Variants in EHMT1 observed in about 807,000 individuals in gnomAD.
The protein encoded by EHMT1 is histone-lysine N-methyltransferase EHMT1.
Under a neutral mutation model 147.2 loss-of-function variants are expected in EHMT1, and 15 were observed. That is an observed-to-expected ratio of 0.10 (90% CI 0.07 to 0.16). The LOEUF (loss-of-function observed/expected upper bound fraction) is 0.16, where lower values mean the gene tolerates loss of function less well. EHMT1 is among the 10% of genes least tolerant of loss of function. EHMT1 has a pLI of 1.00. For synonymous variants in EHMT1, 795 were observed against 709.6 expected, an observed-to-expected ratio of 1.12 and a Z score of -1.91; for missense variants, 1,587 against 1,772.4, an observed-to-expected ratio of 0.90 and a Z score of 1.88.
intron 18 of EHMT1, chr9:137,803,368 T>G (rs1953662244): frequency 3.2e-6 from 3 of 926,774 alleles, no homozygotes; most frequent in Non-Finnish European, 3.9e-6. Context: ...CCTCCGCGCT[T>G]CACAGCCATG....
intron 1 of EHMT1, among the ~76,000 whole-genome samples, chr9:137,660,276 C>CA (rs1375109566): frequency 2.0e-5 from 3 of 151,988 alleles, no homozygotes; most frequent in Non-Finnish European, 4.4e-5. Context: ...GCAGAAGTTG[C>CA]AGTGAGCTGA....
intron 25 of EHMT1, chr9:137,819,993 G>A (rs564308974): frequency 6.6e-6 from 1 of 152,232 alleles, no homozygotes; most frequent in Admixed American, 6.5e-5. Flanking sequence ...GAAACTTGCA[G>A]TAACTCCAAG....
intron 1 of EHMT1, chr9:137,676,327 G>A: frequency 7.2e-6 from 1 of 138,936 alleles, no homozygotes; most frequent in Non-Finnish European, 1.6e-5. Flanking sequence ...CCTCGGCCCT[G>A]CAAAGTGCTG....
chr9:137,822,006 A>G (rs1955455433), intron 25 of EHMT1, among the ~76,000 whole-genome samples: 2 of 152,214 alleles, frequency 1.3e-5, no homozygotes. Context: ...TTTAGTTTTT[A>G]CAAATGTACA....
Position 137,834,463 on chromosome 9 carries a change from C to G in EHMT1, c.3655C>G (p.Leu1219Val). ...PVRVFMAHQD[L>V]RFPRIAFFST... ...GCGCGTGTTCATGGCCCACCAGGAC[C>G]TGCGGTTCCCCCGGATCGCCTTCTT... The change falls in exon 26 of 27, where the codon CTG (leucine) becomes GTG (valine). Residue 1219 changes from leucine to valine, a missense_variant. By Grantham distance (32) the Leu-to-Val change is conservative. Around this residue, in one of 7 missense-constraint regions of EHMT1, gnomAD observed 141 missense variants for 150.8 expected, o/e 0.94. Transcript: ENST00000460843. 1 of 1,613,054 alleles carries G rather than the reference C, an allele frequency of 6.2e-7. No individual in the cohort carries two copies.
chr9:137,768,896 A>G (rs965486145), intron 10 of EHMT1, among the ~76,000 whole-genome samples: 1 of 152,160 alleles, frequency 6.6e-6, no homozygotes, highest in African/African-American at 2.4e-5. Context: ...CATGTTGGCC[A>G]GGCTGGTCTC....
chr9:137,719,596 A>G lies in EHMT1; in HGVS notation c.642+2414A>G, dbSNP rs536451249. Reference sequence around the variant, plus strand: ...GCTTTAGAAAATCTTAAAAATAATTACAGTGTCACAGGAAACTGCAAAAAA... The same window carrying G: ...GCTTTAGAAAATCTTAAAAATAATTGCAGTGTCACAGGAAACTGCAAAAAA... On this transcript the variant is annotated intron_variant, in intron 3 of 26. Coordinates refer to ENST00000460843, the MANE Select transcript of EHMT1 (RefSeq NM_024757.5). Among the ~76,000 whole-genome samples, 7 of 152,314 alleles carry G rather than the reference A, an allele frequency of 4.6e-5. No individual in the cohort carries two copies. In the East Asian group the frequency reaches 1.4e-3, roughly 29 times the overall value.
intron 16 of EHMT1, among the ~76,000 whole-genome samples, chr9:137,797,470 G>T (rs1490202528): frequency 3.9e-5 from 6 of 152,146 alleles, no homozygotes; most frequent in Admixed American, 3.9e-4. Context: ...GCTTGCCCAA[G>T]GTCTCTGCCA....
intron 1 of EHMT1, among the ~76,000 whole-genome samples, chr9:137,657,612 A>G (rs913670379): frequency 5.3e-5 from 8 of 151,912 alleles, no homozygotes; most frequent in African/African-American, 1.2e-4. Flanking sequence ...GTGCATAACA[A>G]TCACACCAGG....
chr9:137,816,390 G>T (rs553273979), intron 23 of EHMT1: 2 of 394,838 alleles, frequency 5.1e-6, no homozygotes, highest in Admixed American at 7.3e-5. Flanking sequence ...ACAGGTTAGG[G>T]CTGTCGTAGT....
intron 4 of EHMT1, among the ~76,000 whole-genome samples, chr9:137,737,931 C>T (rs1419914784): frequency 2.0e-5 from 3 of 152,182 alleles, no homozygotes; most frequent in Non-Finnish European, 2.9e-5. Flanking sequence ...CAGTGGCTTG[C>T]GCCTGTAATC....
chr9:137,672,206 C>G (rs1011852295), intron 1 of EHMT1, among the ~76,000 whole-genome samples: 1 of 152,216 alleles, frequency 6.6e-6, no homozygotes, highest in African/African-American at 2.4e-5. Context: ...AAAACCGTAT[C>G]ACTTTTGTTT....
chr9:137,736,572 A>G (rs1445921186), intron 4 of EHMT1, among the ~76,000 whole-genome samples: 2 of 152,246 alleles, frequency 1.3e-5, no homozygotes, highest in African/African-American at 2.4e-5. Flanking sequence ...TAGGCCACAA[A>G]TAAGTCTCAA....
At chr9:137,762,558 C>T (rs1274872459) in intron 9 of EHMT1, 117 bp from the exon 10 acceptor site, 12 of 1,541,494 alleles carry the variant, frequency 7.8e-6, no homozygotes, top group South Asian at 4.7e-5. Flanking sequence ...GGTAATCAAC[C>T]GCATTGCTTT....
intron 8 of EHMT1, among the ~76,000 whole-genome samples, chr9:137,756,385 G>T (rs933093113): frequency 6.6e-6 from 1 of 152,170 alleles, no homozygotes; most frequent in African/African-American, 2.4e-5. Flanking sequence ...TCACCGAGTG[G>T]CAGCACTTTG....
At chr9:137,663,537 AG>A (rs1226682797) in intron 1 of EHMT1, among the ~76,000 whole-genome samples, 1 of 152,258 alleles carries the variant, frequency 6.6e-6, no homozygotes, top group African/African-American at 2.4e-5. Context: ...CATATTGCAG[AG>A]TAAAAGACTT....
In EHMT1 at chr9:137,813,455, C is replaced by T. The variant is rs763284674; in HGVS notation, c.3105C>T (p.Pro1035=). ...CVNAVDSEPC[P]SNYKYVSQNC... Reference sequence around the variant, plus strand: ...ACGCCGTGGACAGCGAGCCATGCCCCAGCAACTACAAGTACGTCTCTCAGA... The same window carrying T: ...ACGCCGTGGACAGCGAGCCATGCCCTAGCAACTACAAGTACGTCTCTCAGA... The change falls in exon 21 of 27, where the codon CCC becomes CCT. Residue 1035 remains proline (P), a synonymous_variant. Coordinates refer to ENST00000460843, the MANE Select transcript of EHMT1 (RefSeq NM_024757.5). This position sits in a 1 kb window ranked among gnomAD's most constrained non-coding sequence, Gnocchi z 4.9. 2.0e-5 allele frequency: 33 copies of T among 1,613,922 alleles called. No homozygotes were observed. The highest frequency in any genetic ancestry group is 4.0e-5 in the African/African-American group (3 of 74,920).
At chr9:137,729,906 C>T (rs3125783) in intron 4 of EHMT1, among the ~76,000 whole-genome samples, 20,242 of 152,166 alleles carry the variant, frequency 0.13, 3,081 homozygotes, top group African/African-American at 0.38. Flanking sequence ...TGTCCTGTTC[C>T]GCATTTCCCA....
chr9:137,687,462 G>A (rs1942557086), intron 1 of EHMT1, among the ~76,000 whole-genome samples: 1 of 152,120 alleles, frequency 6.6e-6, no homozygotes, highest in Non-Finnish European at 1.5e-5. Flanking sequence ...TTGAGGTAGA[G>A]TTCAGGTAGA....
Sources: gnomAD v4.1 joint callset for allele counts (sites outside exome capture counted in the v4.1 genomes callset) on GRCh38, gnomAD v4.1.1 for gene constraint, gnomAD v4.1.1 regional missense constraint, Gnocchi (gnomAD v3.1) non-coding constraint, MANE v1.5 for transcripts, NCBI Gene and HGNC (gene_info 2026-07-23, HGNC 2026-07-21) for gene names.